Variants in DNMT3A observed in about 807,000 individuals in gnomAD.
DNMT3A encodes the protein DNA methyltransferase 3 alpha.
DNMT3A carries 267 observed loss-of-function variants against 117.6 expected under a neutral mutation model. The observed-to-expected ratio is 2.27, with a 90% CI of 2.05 to 2.51. DNMT3A has a LOEUF of 2.51. Ranked by LOEUF, DNMT3A falls within the 30% of genes most tolerant of loss-of-function variation. DNMT3A has a pLI of 0.00. For missense variants in DNMT3A, 1,029 were observed against 1,260.2 expected (o/e 0.82, Z 2.78); for synonymous variants, 432 against 474.8 (o/e 0.91, Z 1.17).
At chr2:25,276,844 A>C (rs937604337) in intron 4 of DNMT3A, among the ~76,000 whole-genome samples, 1 of 152,234 alleles carries the variant, frequency 6.6e-6, no homozygotes, top group Non-Finnish European at 1.5e-5. Flanking sequence ...CGGAAAAAAC[A>C]GCCCCGACTT....
In DNMT3A at chr2:25,276,656, G is replaced by A. The variant is rs1346020904; in HGVS notation, c.449-1113C>T. ...CCAGCGCCCCGGAGGCTGCGGGGCTGGCTGATTCTGCCTCCCATAGCTTCT... is the reference window on the plus strand; with the variant it reads ...CCAGCGCCCCGGAGGCTGCGGGGCTAGCTGATTCTGCCTCCCATAGCTTCT... On this transcript the variant is annotated intron_variant, in intron 4 of 22. Coordinates refer to ENST00000321117, the MANE Select transcript of DNMT3A (RefSeq NM_022552.5). Among the ~76,000 whole-genome samples the A allele has an allele frequency of 2.6e-5, 4 of 152,184 alleles. No individual in the cohort carries two copies. In the East Asian group the frequency reaches 7.8e-4, roughly 29 times the overall value.
At chr2:25,239,706 T>G (rs1673762698) in intron 19 of DNMT3A, among the ~76,000 whole-genome samples, 1 of 152,038 alleles carries the variant, frequency 6.6e-6, no homozygotes, top group East Asian at 1.9e-4. Context: ...CTGCTCACAC[T>G]TACAGTCAGA....
At chr2:25,275,239 C>A in intron 5 of DNMT3A, 152 bp from the exon 6 acceptor site, 1 of 1,203,966 alleles carries the variant, frequency 8.3e-7, no homozygotes, top group Non-Finnish European at 1.1e-6. Flanking sequence ...GCTGGAGGAG[C>A]GAGGGGCATG....
chr2:25,254,264 A>G lies in DNMT3A; in HGVS notation c.640-6012T>C, dbSNP rs1467327644. 6.6e-6 allele frequency among the ~76,000 whole-genome samples: 1 copy of G among 151,998 alleles called. No homozygotes were observed. Among genetic ancestry groups the G allele is most frequent in the Non-Finnish European group, 1.5e-5 (1 of 68,008 alleles). On this transcript the variant is annotated intron_variant, in intron 6 of 22. Coordinates refer to ENST00000321117, the MANE Select transcript of DNMT3A (RefSeq NM_022552.5). The surrounding 1 kb of genome is among the most constrained non-coding windows in gnomAD (Gnocchi z 4.7). ...TTCTCTAGGTGCCTGGCTCCCAGCCACAGTCACCTGGGACATACAGGTGCT... is the reference window on the plus strand; with the variant it reads ...TTCTCTAGGTGCCTGGCTCCCAGCCGCAGTCACCTGGGACATACAGGTGCT...
Position 25,232,529 on chromosome 2 carries a change from T to C in DNMT3A, c.*1750A>G. On this transcript the variant is annotated 3_prime_UTR_variant, in exon 23 of 23. Coordinates refer to ENST00000321117, the MANE Select transcript of DNMT3A (RefSeq NM_022552.5). This position sits in a 1 kb window ranked among gnomAD's most constrained non-coding sequence, Gnocchi z 4.1. Reference sequence around the variant, plus strand: ...AAGGAGAGAGACGGCCGGTCCTCCCTCCAGCCCTGACACACCCGACTCAAG... The same window carrying C: ...AAGGAGAGAGACGGCCGGTCCTCCCCCCAGCCCTGACACACCCGACTCAAG... 6.6e-6 allele frequency: 1 copy of C among 152,456 alleles called. No individual in the cohort carries two copies. Among genetic ancestry groups the C allele is most frequent in the Non-Finnish European group, 1.5e-5 (1 of 68,222 alleles). The allele number at this position is 152,456 out of a possible 1,614,324, so 9.4% of individuals were successfully genotyped here. A position where few individuals can be genotyped will look rare whatever the true frequency, so the allele number is the denominator to read the frequency against.
At position 25,236,270 on chromosome 2, in the gene DNMT3A, G is replaced by A. The variant is rs979912381; in HGVS notation, c.2479-445C>T. ...TAGTCAGACAGGGTTTCACCGTGTCGGCCAGGCTGGTCTCAAACTCCTGAC... is the reference window on the plus strand; with the variant it reads ...TAGTCAGACAGGGTTTCACCGTGTCAGCCAGGCTGGTCTCAAACTCCTGAC... On this transcript the variant is annotated intron_variant, in intron 21 of 22. Transcript: ENST00000321117. The surrounding 1 kb of genome is among the most constrained non-coding windows in gnomAD (Gnocchi z 4.5). 6.6e-6 allele frequency among the ~76,000 whole-genome samples: 1 copy of A among 152,080 alleles called. No individual in the cohort carries two copies. Among genetic ancestry groups the A allele is most frequent in the Non-Finnish European group, 1.5e-5 (1 of 68,022 alleles).
intron 2 of DNMT3A, among the ~76,000 whole-genome samples, chr2:25,310,789 G>A (rs2034070712): frequency 6.6e-6 from 1 of 152,222 alleles, no homozygotes; most frequent in Admixed American, 6.5e-5. Context: ...CTCAACATCT[G>A]TGCGCAACAG....
Position 25,246,636 on chromosome 2 carries a change from GC to G in DNMT3A, c.1262del (p.Gly421AlafsTer230). Reference sequence around the variant, plus strand: ...CTCATTTACCTTCTGGTGGCTCCAGGCCCTTAGGGCCAGAAGGCTGGAAGCC... The same window carrying G: ...CTCATTTACCTTCTGGTGGCTCCAGGCCTTAGGGCCAGAAGGCTGGAAGCC... ...LGGFQPSGPKGLEPPEEEKNP... is the reference protein window; with the variant it reads ...LGGFQPSGPKXLEPPEEEKNP... On this transcript the variant is annotated frameshift_variant, in exon 10 of 23. Coordinates refer to ENST00000321117, the MANE Select transcript of DNMT3A (RefSeq NM_022552.5). LOFTEE classifies it high-confidence loss of function. 1 of 1,612,718 alleles carries G rather than the reference GC, an allele frequency of 6.2e-7. No homozygotes were observed.
At chr2:25,341,942 G>GGCCC, upstream of DNMT3A, 1 of 686,974 alleles carries the variant, frequency 1.5e-6, no homozygotes, top group Non-Finnish European at 1.6e-6. Flanking sequence ...CCTCCCTCCC[G>GGCCC]GCCCGCCTGC....
At position 25,240,708 on chromosome 2, in the gene DNMT3A, T is replaced by A. The variant is rs1400330086; in HGVS notation, c.2105A>T (p.Asp702Val). The A allele has an allele frequency of 1.2e-6, 2 of 1,613,954 alleles. No homozygotes were observed. Among genetic ancestry groups the A allele is most frequent in the Non-Finnish European group, 1.7e-6 (2 of 1,179,956 alleles). Reference protein sequence around the residue: ...QKHIQEWGPFDLVIGGSPCND... With the variant: ...QKHIQEWGPFVLVIGGSPCND... ...GCAGGGACTGCCCCCAATCACCAGA[T>A]CGAATGGGCCCCACTCCTGGATCTG... The change falls in exon 18 of 23, where the codon GAT becomes GTT. Residue 702 changes from aspartate (D) to valine (V), a missense_variant. Physicochemically the swap from Asp to Val is radical, Grantham distance 152 (BLOSUM62 -3). Coordinates refer to ENST00000321117, the MANE Select transcript of DNMT3A (RefSeq NM_022552.5).
upstream of DNMT3A, among the ~76,000 whole-genome samples, chr2:25,342,126 C>A (rs2035487883): frequency 6.9e-6 from 1 of 144,558 alleles, no homozygotes; most frequent in Non-Finnish European, 1.5e-5. The surrounding 1 kb of genome is among the most constrained non-coding windows in gnomAD (Gnocchi z 5.9). Flanking sequence ...GCGCTGGCCC[C>A]GGCCCCGGCG....
rs1676269225 is a variant in DNMT3A, at chr2:25,257,606, G to A, written c.640-9354C>T. Among the ~76,000 whole-genome samples, 1 of 152,178 alleles carries A rather than the reference G, an allele frequency of 6.6e-6. No homozygotes were observed. ...CCAGAAGCTCCTGGAAGCCCGGAGA[G>A]GCCAGTCAATCCTTAGCACAGGCAG... On this transcript the variant is annotated intron_variant, in intron 6 of 22. Transcript: ENST00000321117. The surrounding 1 kb of genome is among the most constrained non-coding windows in gnomAD (Gnocchi z 4.8).
At chr2:25,246,447 C>G in intron 10 of DNMT3A, 138 bp from the exon 11 acceptor site, 1 of 1,426,604 alleles carries the variant, frequency 7.0e-7, no homozygotes, top group South Asian at 1.4e-5. Context: ...TCTAGCCAAC[C>G]AACAGAGAGC....
chr2:25,314,096 C>A lies in DNMT3A; in HGVS notation c.-112G>T. ...AGAGTTAAAACTTAAACATAGATCC[C>A]GGTGTTGAGCCCTCTGGTGAACGGT... On this transcript the variant is annotated 5_prime_UTR_variant, in exon 2 of 23. Coordinates refer to ENST00000321117, the MANE Select transcript of DNMT3A (RefSeq NM_022552.5). 1 of 1,436,526 alleles carries A rather than the reference C, an allele frequency of 7.0e-7. No homozygotes were observed. The highest frequency in any genetic ancestry group is 2.5e-5 in the East Asian group (1 of 39,304). The allele number at this position is 1,436,526 out of a possible 1,614,324, so 89.0% of individuals were successfully genotyped here. A position where few individuals can be genotyped will look rare whatever the true frequency, so the allele number is the denominator to read the frequency against.
In DNMT3A at chr2:25,304,369, T is replaced by C. The variant is rs566140911; in HGVS notation, c.73-4126A>G. The stretch of plus-strand genomic sequence containing the variant: ...TGATGTAGCAAAAGCTGACACGTGA[T>C]AGTCACTCGAGAACTGCTACCTTCC... On this transcript the variant is annotated intron_variant, in intron 2 of 22. Coordinates refer to ENST00000321117, the MANE Select transcript of DNMT3A (RefSeq NM_022552.5). The surrounding 1 kb of genome is among the most constrained non-coding windows in gnomAD (Gnocchi z 4.3). 6.6e-6 allele frequency among the ~76,000 whole-genome samples: 1 copy of C among 152,182 alleles called. No individual in the cohort carries two copies. Among genetic ancestry groups the C allele is most frequent in the Non-Finnish European group, 1.5e-5 (1 of 68,028 alleles).
chr2:25,310,812 G>A (rs2034072557), intron 2 of DNMT3A, among the ~76,000 whole-genome samples: 1 of 152,198 alleles, frequency 6.6e-6, no homozygotes, highest in Admixed American at 6.5e-5. Context: ...TCCCCTGGAG[G>A]GATGGTTAAA....
intron 19 of DNMT3A, chr2:25,239,520 T>C: frequency 1.8e-6 from 1 of 569,746 alleles, no homozygotes; most frequent in South Asian, 1.5e-5. Flanking sequence ...GTACCTAAAA[T>C]GAGGCCAATG....
chr2:25,291,160 T>C (rs551407804), intron 3 of DNMT3A, among the ~76,000 whole-genome samples: 1 of 152,240 alleles, frequency 6.6e-6, no homozygotes, highest in South Asian at 2.1e-4. Flanking sequence ...CCACCGCAAC[T>C]CCTCGCTCCT....
intron 1 of DNMT3A, among the ~76,000 whole-genome samples, chr2:25,329,262 T>C (rs1289308490): frequency 6.6e-6 from 1 of 152,178 alleles, no homozygotes; most frequent in African/African-American, 2.4e-5. Flanking sequence ...AAACCCTGGC[T>C]CTGTCACTGA....
Sources: allele counts gnomAD v4.1 joint callset (sites outside exome capture counted in the v4.1 genomes callset), GRCh38; gene constraint gnomAD v4.1.1; non-coding constraint Gnocchi (gnomAD v3.1); transcripts MANE v1.5; gene names NCBI Gene and HGNC (gene_info 2026-07-23, HGNC 2026-07-21).